RSF1: variants seen among roughly 807,000 people sequenced by gnomAD.
RSF1 encodes the protein HBV pX-associated protein 8.
Under a neutral mutation model 145.2 loss-of-function variants are expected in RSF1, and 13 were observed. The observed-to-expected ratio is 0.09, with a 90% CI of 0.06 to 0.14. RSF1 has a LOEUF of 0.14. Among genes scored for constraint, RSF1 ranks in the 10% least tolerant of loss-of-function variants. The pLI is 1.00. For synonymous variants in RSF1, 577 were observed against 592.6 expected (o/e 0.97, Z 0.38); for missense variants, 1,517 against 1,718.2 (o/e 0.88, Z 2.07).
chr11:77,689,245 C>T (rs538236901), intron 9 of RSF1, among the ~76,000 whole-genome samples: 4 of 152,336 alleles, frequency 2.6e-5, no homozygotes, highest in South Asian at 4.1e-4. Context: ...AGTCCCAACT[C>T]TATTTCATTC....
chr11:77,864,080 C>T, the RSF1 span, among the ~76,000 whole-genome samples: 1 of 151,760 alleles, frequency 6.6e-6, no homozygotes, highest in Non-Finnish European at 1.5e-5. Context: ...GTGCCTGCTA[C>T]CACACCCAGC....
At chr11:77,843,206 T>C in the RSF1 span, among the ~76,000 whole-genome samples, 1 of 152,246 alleles carries the variant, frequency 6.6e-6, no homozygotes, top group African/African-American at 2.4e-5. Flanking sequence ...TTGTTTTTAT[T>C]AGAACCATCT....
At chr11:77,839,918 C>G in the RSF1 span, among the ~76,000 whole-genome samples, 1 of 152,234 alleles carries the variant, frequency 6.6e-6, no homozygotes. Flanking sequence ...ACCACCATGG[C>G]ACATGTGTAC....
intron 4 of RSF1, among the ~76,000 whole-genome samples, chr11:77,733,561 T>C (rs1460332294): frequency 4.1e-5 from 6 of 146,144 alleles, no homozygotes. Context: ...TCTTTGATTT[T>C]TTTTTTTTTT....
chr11:77,706,796 T>A (rs372364085), intron 5 of RSF1, among the ~76,000 whole-genome samples: 1 of 152,114 alleles, frequency 6.6e-6, no homozygotes, highest in East Asian at 1.9e-4. Context: ...GTATCTGATA[T>A]GTAGTTTTTT....
chr11:77,672,921 G>A (rs1020653468), intron 14 of RSF1, among the ~76,000 whole-genome samples: 3 of 152,142 alleles, frequency 2.0e-5, no homozygotes, highest in African/African-American at 7.2e-5. Context: ...GGCCTCAAGT[G>A]ATCCGCCTGC....
the RSF1 span, among the ~76,000 whole-genome samples, chr11:77,858,821 G>A: frequency 6.6e-6 from 1 of 152,212 alleles, no homozygotes; most frequent in Admixed American, 6.5e-5. Context: ...CTTAGTCATG[G>A]ACTGCATCGG....
upstream of RSF1, chr11:77,821,093 G>C (rs1222610342): frequency 2.2e-6 from 1 of 457,154 alleles, no homozygotes; most frequent in African/African-American, 2.0e-5. Flanking sequence ...TGGACGCAGA[G>C]GGGGCGGGGC....
At chr11:77,738,318 GC>G (rs201520791) in intron 4 of RSF1, among the ~76,000 whole-genome samples, 27,151 of 151,798 alleles carry the variant, frequency 0.18, 3,050 homozygotes, top group African/African-American at 0.3. Flanking sequence ...AAGTACATTA[GC>G]CCCCCCATAT....
the RSF1 span, among the ~76,000 whole-genome samples, chr11:77,828,668 T>C: frequency 1.5e-5 from 2 of 136,226 alleles, no homozygotes; most frequent in South Asian, 4.5e-4. Flanking sequence ...AGACTCCATC[T>C]CGAAAAAAAA....
At chr11:77,855,967 A>G in the RSF1 span, among the ~76,000 whole-genome samples, 2 of 152,000 alleles carry the variant, frequency 1.3e-5, no homozygotes, top group Admixed American at 6.6e-5. Context: ...AAAACACACA[A>G]ATTTCACTGT....
chr11:77,758,693 T>C (rs139662756), intron 2 of RSF1, among the ~76,000 whole-genome samples: 9 of 152,336 alleles, frequency 5.9e-5, no homozygotes, highest in Non-Finnish European at 5.9e-5. Flanking sequence ...CAAGGACAAA[T>C]GATGATGAAC....
intron 13 of RSF1, 92 bp downstream of exon 13, chr11:77,676,700 A>T: frequency 9.8e-7 from 1 of 1,024,400 alleles, no homozygotes; most frequent in Non-Finnish European, 1.4e-6. Context: ...TGAAGAAGAA[A>T]ACCCTCATCA....
Position 77,759,501 on chromosome 11 carries a change from T to C in RSF1, c.279+5097A>G, listed in dbSNP as rs750099343. 4.6e-5 allele frequency among the ~76,000 whole-genome samples: 7 copies of C among 152,168 alleles called. No individual in the cohort carries two copies. The East Asian group carries it at 7.7e-4, about 17-fold the overall frequency. On this transcript the variant is annotated intron_variant, in intron 2 of 15. Transcript: ENST00000308488. ...TCTCTCGAGACCATCCTGCCCAACA[T>C]GGTGAAACCCCGTCTTTACTAAAAA...
chr11:77,822,997 C>T (rs1447968283), upstream of RSF1, among the ~76,000 whole-genome samples: 1 of 151,990 alleles, frequency 6.6e-6, no homozygotes, highest in Non-Finnish European at 1.5e-5. Context: ...GGGCGGGTCA[C>T]GAGGTCAGGA....
chr11:77,842,115 T>G, the RSF1 span, among the ~76,000 whole-genome samples: 1 of 152,166 alleles, frequency 6.6e-6, no homozygotes, highest in African/African-American at 2.4e-5. Context: ...ATTTCTAGAG[T>G]GACAAATTTT....
At position 77,701,457 on chromosome 11, in the gene RSF1, G is replaced by T. The variant is rs1031814193; in HGVS notation, c.1772C>A (p.Ser591Tyr). 2 of 1,613,864 alleles carry T rather than the reference G, an allele frequency of 1.2e-6. No individual in the cohort carries two copies. Among genetic ancestry groups the T allele is most frequent in the African/African-American group, 2.7e-5 (2 of 74,858 alleles). Residue 591 changes from serine to tyrosine, a missense_variant, in exon 6 of 16, where the codon TCC (serine) becomes TAC (tyrosine). This residue lies in a region of RSF1 where 579 missense variants were observed against 553.5 expected (regional missense o/e 1.05). Coordinates refer to ENST00000308488, the MANE Select transcript of RSF1 (RefSeq NM_016578.4). ...GTCCTTATCAAGAAAAGTCTTTTTG[G>T]ACTTCTCTAACTTTTCAAGACATTC... is the stretch of plus-strand genomic sequence containing the variant. ...ILECLEKLEK[S>Y]KKTFLDKDAQ...
chr11:77,798,574 T>G (rs1483711895), intron 1 of RSF1, among the ~76,000 whole-genome samples: 1 of 79,786 alleles, frequency 1.3e-5, no homozygotes, highest in Non-Finnish European at 2.2e-5. Context: ...GGAACGAGAC[T>G]CCATCTTAAA....
chr11:77,806,371 T>C (rs1042282706), intron 1 of RSF1, among the ~76,000 whole-genome samples: 1 of 152,224 alleles, frequency 6.6e-6, no homozygotes, highest in Non-Finnish European at 1.5e-5. Context: ...TAATAACATA[T>C]GCTTTTCATG....
Sources: allele counts gnomAD v4.1 joint callset (sites outside exome capture counted in the v4.1 genomes callset), GRCh38; gene constraint gnomAD v4.1.1; regional missense constraint gnomAD v4.1.1; transcripts MANE v1.5; gene names NCBI Gene and HGNC (gene_info 2026-07-23, HGNC 2026-07-21).